Variants in ZFHX3 observed in about 807,000 individuals in gnomAD.
ZFHX3 encodes the protein zinc finger homeobox protein 3.
In ZFHX3, 42 loss-of-function variants were observed where a neutral mutation model predicts 279.1. The ratio of observed to expected loss-of-function variants is 0.15; its 90% confidence interval spans 0.12 to 0.19. The LOEUF is 0.19. Ranked by LOEUF, ZFHX3 falls within the 10% of genes least tolerant of loss-of-function variation. The pLI, the probability that ZFHX3 is intolerant of heterozygous loss-of-function variation, is 1.00. For synonymous variants in ZFHX3, 2,293 were observed against 1,957.8 expected (o/e 1.17, Z -4.52); for missense variants, 4,981 against 4,754.0 (o/e 1.05, Z -1.40).
chr16:72,920,985 T>G (rs2039568931), intron 3 of ZFHX3, among the ~76,000 whole-genome samples: 1 of 138,468 alleles, frequency 7.2e-6, no homozygotes, highest in African/African-American at 2.8e-5. Context: ...GGCAGGAGGA[T>G]CACTTGGGCC....
At chr16:73,160,353 C>G (rs1370088953) in intron 5 of ZFHX3, among the ~76,000 whole-genome samples, 1 of 152,196 alleles carries the variant, frequency 6.6e-6, no homozygotes, top group Non-Finnish European at 1.5e-5. Context: ...TATGAGTCTT[C>G]CTGAGTAGGG....
chr16:72,830,177 G>A (rs528089581), intron 4 of ZFHX3, among the ~76,000 whole-genome samples: 3 of 152,246 alleles, frequency 2.0e-5, no homozygotes, highest in Non-Finnish European at 2.9e-5. Context: ...GGTTGAAGCA[G>A]TAACTCCACC....
intron 3 of ZFHX3, among the ~76,000 whole-genome samples, chr16:72,937,318 G>C (rs1378900322): frequency 6.6e-6 from 1 of 152,172 alleles, no homozygotes; most frequent in Non-Finnish European, 1.5e-5. Context: ...AAGCCTGGGG[G>C]CATAATAACA....
chr16:73,530,223 C>T (rs554068174), intron 2 of ZFHX3, among the ~76,000 whole-genome samples: 5 of 152,236 alleles, frequency 3.3e-5, no homozygotes, highest in East Asian at 1.9e-4. Context: ...AATCAGATCT[C>T]GTGAGACTTA....
At chr16:73,327,282 C>G (rs1367791976) in intron 3 of ZFHX3, among the ~76,000 whole-genome samples, 1 of 152,182 alleles carries the variant, frequency 6.6e-6, no homozygotes, top group Admixed American at 6.5e-5. Flanking sequence ...CTGGCTTCTA[C>G]TGCCATGACC....
At chr16:73,238,736 G>A (rs1302181479) in intron 5 of ZFHX3, among the ~76,000 whole-genome samples, 6 of 151,812 alleles carry the variant, frequency 4.0e-5, no homozygotes, top group Non-Finnish European at 5.9e-5. Flanking sequence ...CCTCTCCCTC[G>A]CCTGCTCTCT....
At chr16:73,484,992 A>G (rs1403175147) in intron 2 of ZFHX3, among the ~76,000 whole-genome samples, 1 of 152,222 alleles carries the variant, frequency 6.6e-6, no homozygotes, top group African/African-American at 2.4e-5. Flanking sequence ...TGGAATTTTC[A>G]TAAGGTTTGA....
At chr16:72,968,460 C>CT (rs56294114) in intron 1 of ZFHX3, among the ~76,000 whole-genome samples, 235 of 123,274 alleles carry the variant, frequency 1.9e-3, no homozygotes, top group South Asian at 6.7e-3. Flanking sequence ...TGTTAATTTC[C>CT]TTTTTTTTTT....
At chr16:73,781,232 G>C (rs2142303822) in intron 1 of ZFHX3, among the ~76,000 whole-genome samples, 1 of 152,310 alleles carries the variant, frequency 6.6e-6, no homozygotes, top group South Asian at 2.1e-4. Context: ...TTTTCCGTGA[G>C]ATCCATGATT....
chr16:73,847,497 T>C (rs1227510531), intron 1 of ZFHX3, among the ~76,000 whole-genome samples: 1 of 152,132 alleles, frequency 6.6e-6, no homozygotes, highest in African/African-American at 2.4e-5. Flanking sequence ...CAATCTGGTG[T>C]GTTGAATCTG....
intron 4 of ZFHX3, among the ~76,000 whole-genome samples, chr16:72,836,179 C>T (rs978757002): frequency 3.9e-5 from 6 of 152,136 alleles, no homozygotes; most frequent in African/African-American, 7.2e-5. Flanking sequence ...GTGGCTACAC[C>T]GATGGAGGTG....
At chr16:72,981,730 C>T (rs1962608131) in intron 1 of ZFHX3, among the ~76,000 whole-genome samples, 1 of 152,146 alleles carries the variant, frequency 6.6e-6, no homozygotes, top group Admixed American at 6.5e-5. Flanking sequence ...CATCACCATG[C>T]TGCAAGCTCC....
intron 7 of ZFHX3, among the ~76,000 whole-genome samples, chr16:73,100,926 T>C (rs1202749659): frequency 6.6e-6 from 1 of 152,190 alleles, no homozygotes; most frequent in Non-Finnish European, 1.5e-5. Context: ...GAAAGGATTC[T>C]GAGAATTAAA....
chr16:72,877,502 T>C (rs995302131), intron 4 of ZFHX3, among the ~76,000 whole-genome samples: 5 of 152,136 alleles, frequency 3.3e-5, no homozygotes, highest in African/African-American at 1.2e-4. Flanking sequence ...AGGAGGAGAA[T>C]CTCAGTTTGC....
chr16:73,148,555 CTTTTTTTTTT>C (rs36018349), intron 5 of ZFHX3, among the ~76,000 whole-genome samples: 67 of 55,382 alleles, frequency 1.2e-3, no homozygotes, highest in Admixed American at 2.8e-3. Context: ...AAATGCTGGG[CTTTTTTTTTT>C]TTTTTTTTTT....
intron 2 of ZFHX3, among the ~76,000 whole-genome samples, chr16:72,954,751 G>A (rs1961164920): frequency 6.6e-6 from 1 of 152,208 alleles, no homozygotes; most frequent in Non-Finnish European, 1.5e-5. Context: ...ACAAAGAGCA[G>A]CAGATCCGAC....
At chr16:73,866,328 G>A (rs758306550) in intron 1 of ZFHX3, among the ~76,000 whole-genome samples, 4 of 151,598 alleles carry the variant, frequency 2.6e-5, no homozygotes, top group Non-Finnish European at 5.9e-5. Context: ...ACAGGTGCAC[G>A]CCACCATGCC....
chr16:73,579,607 T>C (rs1199312671), intron 2 of ZFHX3, among the ~76,000 whole-genome samples: 1 of 150,850 alleles, frequency 6.6e-6, no homozygotes, highest in East Asian at 1.9e-4. Flanking sequence ...GTTCACGCCA[T>C]TCTCCTGCCT....
chr16:73,588,415 G>C (rs1020759710), intron 2 of ZFHX3, among the ~76,000 whole-genome samples: 2 of 151,980 alleles, frequency 1.3e-5, no homozygotes, highest in South Asian at 4.2e-4. Context: ...GGCCGGTCGC[G>C]GTGGCTCACG....
Sources: gnomAD v4.1 joint callset for allele counts (sites outside exome capture counted in the v4.1 genomes callset) on GRCh38, gnomAD v4.1.1 for gene constraint, MANE v1.5 for transcripts, NCBI Gene and HGNC (gene_info 2026-07-23, HGNC 2026-07-21) for gene names.